The following SLC26A8 variants were observed in gnomAD, a reference collection of about 807,000 sequenced individuals.
SLC26A8 encodes the protein solute carrier family 26 member 8.
SLC26A8 carries 70 observed loss-of-function variants against 105.0 expected under a neutral mutation model. The ratio of observed to expected loss-of-function variants is 0.67; its 90% CI spans 0.55 to 0.81. The LOEUF (loss-of-function observed/expected upper bound fraction) is 0.81, where lower values mean the gene tolerates loss of function less well. Among genes scored for constraint, SLC26A8 ranks in the 40% least tolerant of loss-of-function variants. The pLI is 0.00. For synonymous variants in SLC26A8, 415 were observed against 438.3 expected (o/e 0.95, Z 0.66); for missense variants, 998 against 1,181.8 (o/e 0.84, Z 2.28).
Position 35,977,332 on chromosome 6 carries a change from G to T in SLC26A8, c.1045C>A (p.Pro349Thr). 6.2e-7 allele frequency: 1 copy of T among 1,613,546 alleles called. No homozygotes were observed. The highest frequency in any genetic ancestry group is 8.5e-7 in the Non-Finnish European group (1 of 1,179,860). The change falls in exon 9 of 20, where the codon CCA becomes ACA. Residue 349 changes from proline (P) to threonine (T), a missense_variant. Physicochemically the swap from Pro to Thr is conservative, Grantham distance 38. Transcript: ENST00000490799. ...IPYSFLLPVT[P>T]DFSLLPKIIL... is the part of the protein sequence containing the mutation. ...ATCTTGGGAAGAAGGCTGAAATCTG[G>T]TGTTACAGGAAGCAGAAAGCTGGAA...
intron 9 of SLC26A8, among the ~76,000 whole-genome samples, chr6:35,976,746 G>A (rs867125290): frequency 3.3e-5 from 5 of 151,588 alleles, no homozygotes; most frequent in Admixed American, 6.6e-5. Flanking sequence ...GGGTTTCACC[G>A]TGTTAGCCAG....
At chr6:35,963,516 A>G (rs1168302595) in intron 11 of SLC26A8, among the ~76,000 whole-genome samples, 1 of 152,004 alleles carries the variant, frequency 6.6e-6, no homozygotes, top group African/African-American at 2.4e-5. Context: ...CTTCTAATAA[A>G]CTTTCCTTTT....
chr6:36,010,004 T>G (rs1761807102), intron 3 of SLC26A8, among the ~76,000 whole-genome samples: 1 of 152,138 alleles, frequency 6.6e-6, no homozygotes, highest in Non-Finnish European at 1.5e-5. Context: ...CAGCTGGGGA[T>G]GTAAAATGGT....
chr6:36,019,756 C>T (rs1292771981), intron 1 of SLC26A8, 47 bp from the exon 2 acceptor site: 1 of 1,502,880 alleles, frequency 6.7e-7, no homozygotes, highest in African/African-American at 1.4e-5. Flanking sequence ...TTCAGTAATC[C>T]AGATCCTCGG....
rs1772086261 is a variant in SLC26A8, at chr6:35,956,796, G to A, written c.1864-1276C>T. ...TAGCCAGGTGTGGTGGTGCATGCCT[G>A]TAATCCCAGCTACTTAGGAGGCTGA... On this transcript the variant is annotated intron_variant, in intron 16 of 19. Coordinates refer to ENST00000490799, the MANE Select transcript of SLC26A8 (RefSeq NM_052961.4). Among the ~76,000 whole-genome samples the A allele has an allele frequency of 2.0e-5, 3 of 151,926 alleles. No individual in the cohort carries two copies. The South Asian group carries it at 6.2e-4, about 32-fold the overall frequency.
In SLC26A8 at chr6:35,943,678, A is replaced by G; in HGVS notation, c.*222T>C. 3.4e-6 allele frequency: 2 copies of G among 580,960 alleles called. No homozygotes were observed. Among genetic ancestry groups the G allele is most frequent in the South Asian group, 2.6e-5 (1 of 38,600 alleles). The allele number at this position is 580,960 out of a possible 1,614,324, so 36.0% of individuals were successfully genotyped here. A position where few individuals can be genotyped will look rare whatever the true frequency, so the allele number is the denominator to read the frequency against. On this transcript the variant is annotated 3_prime_UTR_variant, in exon 20 of 20. Transcript: ENST00000490799. ...TATATGCTGAAGGTGAAATGAGGGG[A>G]GCCTGGATAGGGAATTCAGAGATAA...
intron 2 of SLC26A8, among the ~76,000 whole-genome samples, chr6:36,018,777 C>T (rs1762056518): frequency 6.6e-6 from 1 of 152,198 alleles, no homozygotes; most frequent in African/African-American, 2.4e-5. Flanking sequence ...AGCCCCTGAA[C>T]TGTAGGACCT....
At position 35,977,811 on chromosome 6, in the gene SLC26A8, G is replaced by A. The variant is rs181947792; in HGVS notation, c.1026-460C>T. Among the ~76,000 whole-genome samples, 852 of 152,192 alleles carry A rather than the reference G, an allele frequency of 5.6e-3. 16 individuals are homozygous for A. Among genetic ancestry groups the A allele is most frequent in the Non-Finnish European group, 5.4e-3 (368 of 67,988 alleles). ...TGGGTGCGGTGGCATATGGCTGGGT[G>A]CGGTGGCTCACGCCTGCAATCCCAG... On this transcript the variant is annotated intron_variant, in intron 8 of 19. Coordinates refer to ENST00000490799, the MANE Select transcript of SLC26A8 (RefSeq NM_052961.4).
intron 11 of SLC26A8, among the ~76,000 whole-genome samples, chr6:35,964,209 C>T (rs1390790189): frequency 1.3e-5 from 2 of 152,038 alleles, no homozygotes; most frequent in African/African-American, 4.8e-5. Flanking sequence ...CCCTGTCTCA[C>T]AAAAATAAAA....
At chr6:36,012,609 C>T (rs1004998940) in intron 2 of SLC26A8, among the ~76,000 whole-genome samples, 4 of 152,182 alleles carry the variant, frequency 2.6e-5, no homozygotes, top group African/African-American at 7.2e-5. Flanking sequence ...TAGAACTCCC[C>T]GCTTCAGCTG....
chr6:35,965,968 T>C (rs1772500777), intron 11 of SLC26A8, among the ~76,000 whole-genome samples: 1 of 142,862 alleles, frequency 7.0e-6, no homozygotes, highest in Non-Finnish European at 1.5e-5. Context: ...GCCACTGCAC[T>C]CCAGCCTGGG....
intron 11 of SLC26A8, among the ~76,000 whole-genome samples, chr6:35,963,556 T>C (rs564270914): frequency 6.6e-6 from 1 of 152,304 alleles, no homozygotes; most frequent in South Asian, 2.1e-4. Flanking sequence ...AGTAAATTCT[T>C]TTTCCCAACC....
At chr6:35,951,618 C>T (rs1771876387) in intron 17 of SLC26A8, 119 bp from the exon 18 acceptor site, 3 of 1,031,090 alleles carry the variant, frequency 2.9e-6, no homozygotes, top group South Asian at 2.7e-5. Flanking sequence ...CTCACTCTGT[C>T]ACCCAGATGG....
chr6:35,995,605 C>T (rs1309986926), intron 5 of SLC26A8, among the ~76,000 whole-genome samples: 1 of 152,114 alleles, frequency 6.6e-6, no homozygotes, highest in African/African-American at 2.4e-5. Context: ...CCTCTCTATG[C>T]CCTTGTTTTC....
chr6:35,944,070 TG>T lies in SLC26A8; in HGVS notation c.2742del (p.Lys915AsnfsTer59). ...AAAGTGTGAGCTCTTGGCCTAGATT[TG>T]GGGTTGGGCTCCATCTCAGGCTCAG... is the stretch of plus-strand genomic sequence containing the variant. ...PETEPEMEPNPKSRPRAHTFP... is the reference protein window; with the variant it reads ...PETEPEMEPNXKSRPRAHTFP... On this transcript the variant is annotated frameshift_variant, in exon 20 of 20. Coordinates refer to ENST00000490799, the MANE Select transcript of SLC26A8 (RefSeq NM_052961.4). LOFTEE classifies it high-confidence loss of function. 1 of 1,613,884 alleles carries T rather than the reference TG, an allele frequency of 6.2e-7. No homozygotes were observed.
intron 1 of SLC26A8, among the ~76,000 whole-genome samples, chr6:36,022,850 C>G (rs1018357114): frequency 2.0e-5 from 3 of 151,392 alleles, no homozygotes; most frequent in Non-Finnish European, 4.4e-5. Context: ...CAAGAAGATG[C>G]AATGACCAGA....
intron 11 of SLC26A8, among the ~76,000 whole-genome samples, chr6:35,967,174 G>T (rs73729633): frequency 6.6e-6 from 1 of 152,090 alleles, no homozygotes; most frequent in Non-Finnish European, 1.5e-5. Flanking sequence ...TGGCTCCAAG[G>T]TCCTTGAATC....
chr6:36,021,860 A>G (rs1762133924), intron 1 of SLC26A8, among the ~76,000 whole-genome samples: 1 of 150,914 alleles, frequency 6.6e-6, no homozygotes, highest in Non-Finnish European at 1.5e-5. Context: ...CTCAGCTCAC[A>G]GGGTTTCACG....
intron 16 of SLC26A8, 138 bp from the exon 17 acceptor site, chr6:35,955,658 T>G: frequency 8.9e-7 from 1 of 1,120,442 alleles, no homozygotes; most frequent in Non-Finnish European, 1.2e-6. Context: ...GTACTGTGCA[T>G]TTTTTACTTG....
Sources: allele counts gnomAD v4.1 joint callset (sites outside exome capture counted in the v4.1 genomes callset), GRCh38; gene constraint gnomAD v4.1.1; transcripts MANE v1.5; gene names NCBI Gene and HGNC (gene_info 2026-07-23, HGNC 2026-07-21).